ADGRB3: variants seen among roughly 807,000 people sequenced by gnomAD.
The protein encoded by ADGRB3 is adhesion G protein-coupled receptor B3.
In ADGRB3, 37 loss-of-function variants were observed where a neutral mutation model predicts 193.4. The ratio of observed to expected loss-of-function variants is 0.19; its 90% CI spans 0.15 to 0.25. The LOEUF (loss-of-function observed/expected upper bound fraction) is 0.25, where lower values mean the gene tolerates loss of function less well. Among genes scored for constraint, ADGRB3 ranks in the 10% least tolerant of loss-of-function variants. The probability of loss-of-function intolerance (pLI) is 1.00; values close to 1 mark genes in which losing one functional copy is unlikely to be tolerated. For missense variants in ADGRB3, 1,637 were observed against 1,852.9 expected, an observed-to-expected ratio of 0.88 and a Z score of 2.14; for synonymous variants, 690 against 644.2, an observed-to-expected ratio of 1.07 and a Z score of -1.08.
intron 20 of ADGRB3, among the ~76,000 whole-genome samples, chr6:69,245,942 T>G (rs1766490657): frequency 6.6e-6 from 1 of 152,146 alleles, no homozygotes; most frequent in African/African-American, 2.4e-5. Flanking sequence ...AATATATTTG[T>G]GCTTATATCT....
chr6:68,855,889 T>C (rs1327517298), intron 3 of ADGRB3, among the ~76,000 whole-genome samples: 1 of 152,164 alleles, frequency 6.6e-6, no homozygotes, highest in Non-Finnish European at 1.5e-5. Context: ...GGCAGTGATA[T>C]GGTTTGGCTC....
At chr6:68,786,310 C>A (rs1446589436) in intron 3 of ADGRB3, among the ~76,000 whole-genome samples, 1 of 151,910 alleles carries the variant, frequency 6.6e-6, no homozygotes, top group African/African-American at 2.4e-5. Context: ...GTCTTTAATC[C>A]ATCTTGAATT....
At chr6:68,770,082 T>A (rs1766586092) in intron 3 of ADGRB3, among the ~76,000 whole-genome samples, 2 of 152,128 alleles carry the variant, frequency 1.3e-5, no homozygotes, top group Admixed American at 1.3e-4. Context: ...GAAAAAGAAA[T>A]CTGTGTACTT....
intron 11 of ADGRB3, among the ~76,000 whole-genome samples, chr6:69,010,287 T>C (rs183446315): frequency 3.3e-5 from 5 of 152,168 alleles, no homozygotes; most frequent in African/African-American, 1.2e-4. Context: ...CTGAACAAAT[T>C]ATGTTCCCCA....
At chr6:68,877,712 T>A (rs1765630764) in intron 3 of ADGRB3, among the ~76,000 whole-genome samples, 1 of 152,162 alleles carries the variant, frequency 6.6e-6, no homozygotes, top group African/African-American at 2.4e-5. Context: ...ATACTTTACA[T>A]TTATGTATAG....
At chr6:68,977,657 G>A (rs528677809) in intron 10 of ADGRB3, among the ~76,000 whole-genome samples, 12 of 152,238 alleles carry the variant, frequency 7.9e-5, no homozygotes, top group African/African-American at 2.9e-4. Flanking sequence ...TGCCCTTGTT[G>A]ACTTGGGTAC....
chr6:69,287,941 A>G (rs1246607357), intron 20 of ADGRB3, among the ~76,000 whole-genome samples: 1 of 152,190 alleles, frequency 6.6e-6, no homozygotes, highest in Non-Finnish European at 1.5e-5. Context: ...AGGAACTTTT[A>G]GAAATCTACT....
At chr6:69,387,612 C>A (rs1292293994) in intron 31 of ADGRB3, among the ~76,000 whole-genome samples, 1 of 151,954 alleles carries the variant, frequency 6.6e-6, no homozygotes, top group Non-Finnish European at 1.5e-5. Context: ...GTTGCCCAGG[C>A]TGGTCTCACA....
chr6:68,848,587 A>G (rs1384445625), intron 3 of ADGRB3, among the ~76,000 whole-genome samples: 4 of 152,038 alleles, frequency 2.6e-5, no homozygotes, highest in Non-Finnish European at 5.9e-5. Flanking sequence ...TTCTCAGACC[A>G]ATCACATATT....
chr6:68,794,492 A>G (rs1202330164), intron 3 of ADGRB3, among the ~76,000 whole-genome samples: 1 of 152,134 alleles, frequency 6.6e-6, no homozygotes, highest in Non-Finnish European at 1.5e-5. Context: ...ATGCTGTGGT[A>G]ATAACTGTAA....
chr6:68,954,227 A>G (rs918622382), intron 6 of ADGRB3, among the ~76,000 whole-genome samples: 1 of 152,140 alleles, frequency 6.6e-6, no homozygotes, highest in Non-Finnish European at 1.5e-5. Context: ...ACATTTATTT[A>G]TTTATTTATT....
intron 11 of ADGRB3, among the ~76,000 whole-genome samples, chr6:69,006,527 A>C (rs1447439745): frequency 2.0e-5 from 3 of 148,220 alleles, no homozygotes; most frequent in African/African-American, 7.5e-5. Context: ...TTTTTTTAAG[A>C]TGGAGTCTCG....
chr6:69,351,269 T>G (rs961297472), intron 26 of ADGRB3, among the ~76,000 whole-genome samples: 2 of 151,782 alleles, frequency 1.3e-5, no homozygotes, highest in Non-Finnish European at 2.9e-5. Context: ...ATTTTTGTAT[T>G]TTTTTAGTAG....
At chr6:68,686,140 T>C (rs2127300036) in intron 3 of ADGRB3, among the ~76,000 whole-genome samples, 1 of 152,308 alleles carries the variant, frequency 6.6e-6, no homozygotes, top group South Asian at 2.1e-4. Context: ...AGATTTCCCA[T>C]CAAACTCTTG....
At position 68,968,736 on chromosome 6, in the gene ADGRB3, T is replaced by C. The variant is rs1034551337; in HGVS notation, c.1526-6027T>C. On this transcript the variant is annotated intron_variant, in intron 8 of 31. Transcript: ENST00000370598. ...TCTAGAATTCAATTATGTAATAACC[T>C]ATTCATGATGTATTTTTTGAACTTT... Among the ~76,000 whole-genome samples, 12 of 152,342 alleles carry C rather than the reference T, an allele frequency of 7.9e-5. 1 individual carries two copies. Among genetic ancestry groups the C allele is most frequent in the Non-Finnish European group, 8.8e-5 (6 of 68,016 alleles).
chr6:68,961,056 C>G (rs983959455), intron 8 of ADGRB3, among the ~76,000 whole-genome samples: 1 of 151,994 alleles, frequency 6.6e-6, no homozygotes, highest in Non-Finnish European at 1.5e-5. Context: ...TTTTCATAAA[C>G]GATGAGGGAT....
chr6:69,288,607 T>C (rs1767601599), intron 20 of ADGRB3, among the ~76,000 whole-genome samples: 1 of 152,188 alleles, frequency 6.6e-6, no homozygotes, highest in African/African-American at 2.4e-5. Context: ...TGTTACAGCT[T>C]GATAGAATTT....
At chr6:68,717,678 A>C (rs892853864) in intron 3 of ADGRB3, among the ~76,000 whole-genome samples, 1 of 151,560 alleles carries the variant, frequency 6.6e-6, no homozygotes, top group Non-Finnish European at 1.5e-5. Context: ...ATATTTAATA[A>C]AGATATAAAA....
chr6:69,239,466 T>C (rs1416020107), intron 20 of ADGRB3, among the ~76,000 whole-genome samples: 2 of 152,036 alleles, frequency 1.3e-5, no homozygotes, highest in Non-Finnish European at 2.9e-5. Flanking sequence ...TGTATGTTTA[T>C]TAAACATTAT....
Sources: allele counts gnomAD v4.1 joint callset (sites outside exome capture counted in the v4.1 genomes callset), GRCh38; gene constraint gnomAD v4.1.1; transcripts MANE v1.5; gene names NCBI Gene and HGNC (gene_info 2026-07-23, HGNC 2026-07-21).